Variants in IL19 observed in about 807,000 individuals in gnomAD.
IL19 encodes the protein interleukin-19.
Under a neutral mutation model 19.5 loss-of-function variants are expected in IL19, and 15 were observed. That is an observed-to-expected ratio of 0.77 (90% CI 0.52 to 1.19). The LOEUF (loss-of-function observed/expected upper bound fraction) is 1.19. IL19 is among the 50% of genes most tolerant of loss of function. The pLI is 0.00. For synonymous variants in IL19, 78 were observed against 78.3 expected, an observed-to-expected ratio of 1.00 and a Z score of 0.02; for missense variants, 199 against 213.1, an observed-to-expected ratio of 0.93 and a Z score of 0.41.
chr1:206,811,975 A>G (rs1676026561), intron 2 of IL19, among the ~76,000 whole-genome samples: 1 of 152,224 alleles, frequency 6.6e-6, no homozygotes, highest in African/African-American at 2.4e-5. Context: ...AGTAATTTCA[A>G]AAGAACTGCA....
chr1:206,799,468 A>G (rs1274532450), intron 2 of IL19, among the ~76,000 whole-genome samples: 1 of 152,226 alleles, frequency 6.6e-6, no homozygotes, highest in East Asian at 1.9e-4. Context: ...AACCAGGAGC[A>G]GAAGTCATCA....
Position 206,837,034 on chromosome 1 carries a change from G to A in IL19, c.210+11G>A, listed in dbSNP as rs754184225. 1.2e-5 allele frequency: 19 copies of A among 1,605,766 alleles called. No individual in the cohort carries two copies. The East Asian group carries it at 4.0e-4, about 34-fold the overall frequency. On this transcript the variant is annotated intron_variant, in intron 4 of 6. Transcript: ENST00000659997. ...CTGCAGATCATTAAGGTATTGGCCT[G>A]TGTCTGCTTTTTCCAGTATTTTTAT...
rs761553258 is a variant in IL19, at chr1:206,777,406, C to CAA, written c.-149+6346_-149+6347dup. The stretch of plus-strand genomic sequence containing the variant: ...TGGGCGACAGAGCGAGACTCCGTCT[C>CAA]AAAAAAAAAAAAAAAAAAAGAATCT... On this transcript the variant is annotated intron_variant, in intron 1 of 6. Transcript: ENST00000659997. 9.6e-4 allele frequency among the ~76,000 whole-genome samples: 52 copies of CAA among 53,962 alleles called. 1 individual carries two copies. Among genetic ancestry groups the CAA allele is most frequent in the African/African-American group, 3.0e-3 (46 of 15,482 alleles). The allele number at this position is 53,962 out of a possible 152,430, so 35.4% of individuals were successfully genotyped here.
rs191241018 is a variant in IL19, at chr1:206,799,493, A to G, written c.-3+487A>G. 2.1e-3 allele frequency among the ~76,000 whole-genome samples: 315 copies of G among 152,276 alleles called. 1 individual carries two copies. Among genetic ancestry groups the G allele is most frequent in the African/African-American group, 7.3e-3 (302 of 41,550 alleles). ...AGAAGTCATCAGAAAGCCAGAACTC[A>G]GCTTCTCGCTCTCTGAGGCCACGTA... On this transcript the variant is annotated intron_variant, in intron 2 of 6. Coordinates refer to ENST00000659997, the MANE Select transcript of IL19 (RefSeq NM_153758.5).
At chr1:206,781,861 GTATATAGTTATAT>G (rs1675141136) in intron 1 of IL19, among the ~76,000 whole-genome samples, 1 of 126,880 alleles carries the variant, frequency 7.9e-6, no homozygotes, top group Non-Finnish European at 1.7e-5. Context: ...ACATATATAT[GTATATAGTTATAT>G]ATACATATAT....
At chr1:206,810,359 G>T (rs1348412534) in intron 2 of IL19, among the ~76,000 whole-genome samples, 2 of 152,182 alleles carry the variant, frequency 1.3e-5, no homozygotes, top group Admixed American at 6.5e-5. Flanking sequence ...TGGAATGCCA[G>T]AACTTCCCTG....
At chr1:206,799,059 A>T in intron 2 of IL19, 53 bp downstream of exon 2, 1 of 1,176,700 alleles carries the variant, frequency 8.5e-7, no homozygotes, top group Non-Finnish European at 1.3e-6. Context: ...CTCTGGGACC[A>T]GAGATATCCA....
rs1675608863 is a variant in IL19, at chr1:206,799,144, A to G, written c.-3+138A>G. ...ACAGGACTGCCTTTGTCTGTCATAA[A>G]GTTCCTTATTGCCAGACTGCTGGCC... On this transcript the variant is annotated intron_variant, in intron 2 of 6. Coordinates refer to ENST00000659997, the MANE Select transcript of IL19 (RefSeq NM_153758.5). 7.3e-6 allele frequency: 5 copies of G among 686,974 alleles called. No homozygotes were observed. In the East Asian group the frequency reaches 1.4e-4, roughly 19 times the overall value. The allele number at this position is 686,974 out of a possible 1,614,324, so 42.6% of individuals were successfully genotyped here.
intron 2 of IL19, among the ~76,000 whole-genome samples, chr1:206,799,303 C>CATGGA (rs1675617466): frequency 6.6e-6 from 1 of 152,104 alleles, no homozygotes; most frequent in Admixed American, 6.5e-5. Flanking sequence ...GGTCATGGCC[C>CATGGA]ATTTCTTCAC....
intron 2 of IL19, among the ~76,000 whole-genome samples, chr1:206,799,793 G>T (rs1162786735): frequency 6.6e-6 from 1 of 152,164 alleles, no homozygotes; most frequent in Non-Finnish European, 1.5e-5. Context: ...ATCATCAATG[G>T]TGTCCCAAGT....
chr1:206,788,081 G>T (rs1267880933), intron 1 of IL19, among the ~76,000 whole-genome samples: 1 of 152,164 alleles, frequency 6.6e-6, no homozygotes, highest in Non-Finnish European at 1.5e-5. Context: ...ACACTGGTCT[G>T]CAGACCTCTT....
rs114501584 is a variant in IL19 at position 206,782,289 on chromosome 1, G to T, written c.-149+11211G>T. 1.9e-3 allele frequency among the ~76,000 whole-genome samples: 287 copies of T among 152,148 alleles called. 1 individual carries two copies. The highest frequency in any genetic ancestry group is 6.8e-3 in the African/African-American group (282 of 41,484). ...TAACTCTCTGGCTTGATAGAAGCAG[G>T]ATCCTCACAACTGCTCTTACATGCG... On this transcript the variant is annotated intron_variant, in intron 1 of 6. Coordinates refer to ENST00000659997, the MANE Select transcript of IL19 (RefSeq NM_153758.5).
At position 206,819,893 on chromosome 1, in the gene IL19, C is replaced by T. The variant is rs146543933; in HGVS notation, c.-2-16768C>T. On this transcript the variant is annotated intron_variant, in intron 2 of 6. Transcript: ENST00000659997. ...GAAGCTTGAATAATTTTCCAAGGGTCGCAGTTACTAACTGGTATACCTAAC... is the reference window on the plus strand; with the variant it reads ...GAAGCTTGAATAATTTTCCAAGGGTTGCAGTTACTAACTGGTATACCTAAC... Among the ~76,000 whole-genome samples, 35 of 152,270 alleles carry T rather than the reference C, an allele frequency of 2.3e-4. No homozygotes were observed. In the South Asian group the frequency reaches 3.5e-3, roughly 15 times the overall value.
intron 2 of IL19, among the ~76,000 whole-genome samples, chr1:206,820,149 C>T (rs1441910920): frequency 2.6e-5 from 4 of 152,176 alleles, no homozygotes; most frequent in African/African-American, 7.2e-5. Context: ...TATGCTCACT[C>T]GCCTTCCAAG....
At chr1:206,819,712 T>C (rs891223535) in intron 2 of IL19, among the ~76,000 whole-genome samples, 10 of 152,186 alleles carry the variant, frequency 6.6e-5, no homozygotes, top group Non-Finnish European at 1.2e-4. Context: ...TAGAGAAAGT[T>C]CTTTTGGATA....
chr1:206,818,345 C>T (rs1007027515), intron 2 of IL19, among the ~76,000 whole-genome samples: 6 of 152,168 alleles, frequency 3.9e-5, no homozygotes, highest in African/African-American at 1.4e-4. Flanking sequence ...CATATAATGG[C>T]TACTACTAAG....
Position 206,827,623 on chromosome 1 carries a change from G to A in IL19, c.-2-9038G>A, listed in dbSNP as rs539760811. Among the ~76,000 whole-genome samples the A allele has an allele frequency of 2.2e-4, 34 of 152,046 alleles. No individual in the cohort carries two copies. The East Asian group carries it at 2.7e-3, about 12-fold the overall frequency. On this transcript the variant is annotated intron_variant, in intron 2 of 6. Transcript: ENST00000659997. ...GAGAATGGCATGAACCCCGGGGGGC[G>A]GAGCCTGCAGTGAGCCGAGATCGTG...
intron 1 of IL19, among the ~76,000 whole-genome samples, chr1:206,776,169 G>A (rs1674985562): frequency 6.6e-6 from 1 of 152,160 alleles, no homozygotes. Flanking sequence ...TTTTAAAAGA[G>A]GGGGTTGTAT....
intron 2 of IL19, among the ~76,000 whole-genome samples, chr1:206,800,261 G>A (rs983108289): frequency 2.0e-5 from 3 of 152,224 alleles, no homozygotes; most frequent in Admixed American, 1.3e-4. Context: ...AGTCAACACC[G>A]TTTCCTCTAA....
Sources: allele counts gnomAD v4.1 joint callset (sites outside exome capture counted in the v4.1 genomes callset), GRCh38; gene constraint gnomAD v4.1.1; transcripts MANE v1.5; gene names NCBI Gene and HGNC (gene_info 2026-07-23, HGNC 2026-07-21).